The following FAM3D variants were observed in gnomAD, a reference collection of about 807,000 sequenced individuals.
FAM3D encodes protein FAM3D.
In FAM3D, 26 loss-of-function variants were observed where a neutral mutation model predicts 29.8. That is an observed-to-expected ratio of 0.87 (90% CI 0.64 to 1.21). FAM3D has a LOEUF of 1.21. Ranked by LOEUF, FAM3D falls within the 50% of genes most tolerant of loss-of-function variation. The pLI, the probability that FAM3D is intolerant of heterozygous loss-of-function variation, is 0.00. For synonymous variants in FAM3D, 115 were observed against 102.3 expected (o/e 1.12, Z -0.75); for missense variants, 253 against 290.9 (o/e 0.87, Z 0.95).
At chr3:58,645,403 G>T (rs2066446492) in intron 5 of FAM3D, 106 bp downstream of exon 5, 3 of 758,514 alleles carry the variant, frequency 4.0e-6, no homozygotes, top group Non-Finnish European at 6.0e-6. Context: ...GGGAAGCTGT[G>T]GGCTGGTCTC....
At position 58,639,991 on chromosome 3, in the gene FAM3D, C is replaced by T. The variant is rs557869327; in HGVS notation, c.373+136G>A. On this transcript the variant is annotated intron_variant, in intron 7 of 9. Transcript: ENST00000358781. ...CAGCAGGACACCCTCAACCCCCCAC[C>T]GCACCTCTTCCTGGGTGCCTCCTGT... The T allele has an allele frequency of 2.3e-4, 196 of 865,118 alleles. No homozygotes were observed. The African/African-American group carries it at 3.0e-3, about 13-fold the overall frequency. 53.6% of individuals were successfully genotyped at this position (865,118 alleles called of 1,614,324 possible). A position where few individuals can be genotyped will look rare whatever the true frequency, so the allele number is the denominator to read the frequency against.
At chr3:58,652,475 C>T (rs1293538960) in intron 3 of FAM3D, among the ~76,000 whole-genome samples, 1 of 150,984 alleles carries the variant, frequency 6.6e-6, no homozygotes, top group Non-Finnish European at 1.5e-5. Context: ...TCTCCACCCA[C>T]TCATCCATCC....
intron 1 of FAM3D, among the ~76,000 whole-genome samples, chr3:58,660,476 C>G (rs1189790774): frequency 6.6e-6 from 1 of 152,202 alleles, no homozygotes; most frequent in Admixed American, 6.5e-5. Context: ...AATTATTGAT[C>G]ATGTCGCCAA....
At chr3:58,636,542 TC>T in intron 8 of FAM3D, 122 bp from the exon 9 acceptor site, 1 of 1,400,498 alleles carries the variant, frequency 7.1e-7, no homozygotes, top group Non-Finnish European at 9.6e-7. Flanking sequence ...CCTGGGGGTG[TC>T]CAGAGAACGT....
In FAM3D at chr3:58,657,947, G is replaced by T. The variant is rs547291993; in HGVS notation, c.-38-2346C>A. 2.0e-5 allele frequency among the ~76,000 whole-genome samples: 3 copies of T among 152,312 alleles called. No individual in the cohort carries two copies. In the East Asian group the frequency reaches 5.8e-4, roughly 29 times the overall value. On this transcript the variant is annotated intron_variant, in intron 1 of 9. Transcript: ENST00000358781. Reference sequence around the variant, plus strand: ...AAGGAACGAGGAGAAAAGTTCTATTGCCCTGGATGCTTACCTAGCCAGCCT... The same window carrying T: ...AAGGAACGAGGAGAAAAGTTCTATTTCCCTGGATGCTTACCTAGCCAGCCT...
intron 5 of FAM3D, among the ~76,000 whole-genome samples, chr3:58,644,498 T>C (rs80013618): frequency 0.064 from 9,805 of 152,336 alleles, 375 homozygotes; most frequent in Non-Finnish European, 0.08. Context: ...AGGCTTCTCC[T>C]GCCACATGGA....
chr3:58,645,639 G>C lies in FAM3D; in HGVS notation c.146-13C>G. 6.2e-7 allele frequency: 1 copy of C among 1,610,960 alleles called. No individual in the cohort carries two copies. ...TACTTTTTAACCTCTGGGGAGGAAA[G>C]AGACCAGCCTTGGTGGGCAGAAGCT... On this transcript the variant is annotated splice_polypyrimidine_tract_variant and intron_variant, in intron 4 of 9. Transcript: ENST00000358781.
chr3:58,649,494 A>G (rs2066569896), intron 3 of FAM3D, 156 bp from the exon 4 acceptor site: 1 of 734,130 alleles, frequency 1.4e-6, no homozygotes, highest in Non-Finnish European at 2.4e-6. Flanking sequence ...ACCCCTTCAC[A>G]CACATACATA....
At chr3:58,651,269 G>T (rs2066629942) in intron 3 of FAM3D, among the ~76,000 whole-genome samples, 1 of 152,150 alleles carries the variant, frequency 6.6e-6, no homozygotes, top group Non-Finnish European at 1.5e-5. Context: ...CCAAATTTGT[G>T]CTATAGTAAT....
chr3:58,637,513 C>G (rs11923046), intron 7 of FAM3D, among the ~76,000 whole-genome samples: 74,213 of 151,928 alleles, frequency 0.49, 18,307 homozygotes, highest in African/African-American at 0.57. Flanking sequence ...CTGAGGGTGA[C>G]CACCACTGGT....
At chr3:58,659,680 G>A (rs1182399441) in intron 1 of FAM3D, among the ~76,000 whole-genome samples, 6 of 152,226 alleles carry the variant, frequency 3.9e-5, no homozygotes, top group Admixed American at 3.9e-4. Flanking sequence ...TAGCACCGAG[G>A]CACACAGTAG....
intron 4 of FAM3D, among the ~76,000 whole-genome samples, chr3:58,646,298 T>A (rs535782734): frequency 1.3e-5 from 2 of 152,306 alleles, no homozygotes; most frequent in East Asian, 3.9e-4. Flanking sequence ...CACTGGGAGC[T>A]CAGCACGGTG....
chr3:58,649,775 C>CT (rs397758958), intron 3 of FAM3D, among the ~76,000 whole-genome samples: 1 of 151,940 alleles, frequency 6.6e-6, no homozygotes, highest in Admixed American at 6.6e-5. Context: ...TGTTTGAGAC[C>CT]ATTAGAGTTT....
intron 6 of FAM3D, among the ~76,000 whole-genome samples, chr3:58,643,145 G>C (rs1257333475): frequency 6.6e-6 from 1 of 152,184 alleles, no homozygotes; most frequent in East Asian, 1.9e-4. Context: ...TGCCCCTCCA[G>C]AGAGGCTCAC....
intron 1 of FAM3D, among the ~76,000 whole-genome samples, chr3:58,656,243 T>C (rs1419669353): frequency 5.3e-5 from 8 of 152,190 alleles, no homozygotes; most frequent in Non-Finnish European, 7.3e-5. Context: ...GTGCCATCTA[T>C]GCATTATCTC....
chr3:58,665,377 TCCTCCCCTGC>T (rs1330097931), intron 1 of FAM3D, among the ~76,000 whole-genome samples: 3 of 151,876 alleles, frequency 2.0e-5, no homozygotes, highest in Non-Finnish European at 4.4e-5. Context: ...CCCAATCTTT[TCCTCCCCTGC>T]CCTTCACTCC....
At chr3:58,652,883 T>TCCATCCAC (rs2106883324) in intron 3 of FAM3D, among the ~76,000 whole-genome samples, 1 of 150,428 alleles carries the variant, frequency 6.6e-6, no homozygotes, top group Non-Finnish European at 1.5e-5. Context: ...CATCCATCCA[T>TCCATCCAC]CCATCCATCC....
intron 1 of FAM3D, among the ~76,000 whole-genome samples, chr3:58,664,317 A>T (rs904553377): frequency 2.0e-5 from 3 of 152,224 alleles, no homozygotes; most frequent in Admixed American, 2.0e-4. Context: ...GAACTTGTTC[A>T]CATCTCTTGT....
chr3:58,658,678 G>C (rs2066871699), intron 1 of FAM3D, among the ~76,000 whole-genome samples: 1 of 152,128 alleles, frequency 6.6e-6, no homozygotes, highest in African/African-American at 2.4e-5. Flanking sequence ...CTGTCATAAG[G>C]GTCTGGCCAA....
Sources: gnomAD v4.1 joint callset for allele counts (sites outside exome capture counted in the v4.1 genomes callset) on GRCh38, gnomAD v4.1.1 for gene constraint, MANE v1.5 for transcripts, NCBI Gene and HGNC (gene_info 2026-07-23, HGNC 2026-07-21) for gene names.